The following IRAK2 variants were observed in gnomAD, a reference collection of about 807,000 sequenced individuals.
The protein encoded by IRAK2 is interleukin 1 receptor associated kinase 2.
Under a neutral mutation model 72.0 loss-of-function variants are expected in IRAK2, and 57 were observed. The ratio of observed to expected loss-of-function variants is 0.79; its 90% confidence interval spans 0.64 to 0.99. The LOEUF (loss-of-function observed/expected upper bound fraction) is 0.99. Ranked by LOEUF, IRAK2 falls within the 50% of genes least tolerant of loss-of-function variation. IRAK2 has a pLI of 0.00. For synonymous variants in IRAK2, 293 were observed against 312.7 expected (o/e 0.94, Z 0.67); for missense variants, 790 against 794.4 (o/e 0.99, Z 0.07).
chr3:10,215,416 T>TAAAA (rs1559449326), intron 6 of IRAK2, among the ~76,000 whole-genome samples: 8 of 134,116 alleles, frequency 6.0e-5, no homozygotes, highest in Non-Finnish European at 6.3e-5. Flanking sequence ...AAAAAAAAAT[T>TAAAA]AATTAATTAA....
At chr3:10,227,966 C>T (rs1474185100) in intron 10 of IRAK2, among the ~76,000 whole-genome samples, 2 of 152,010 alleles carry the variant, frequency 1.3e-5, no homozygotes, top group African/African-American at 4.8e-5. Context: ...TTCTTAACCA[C>T]AGCAGTCTCC....
chr3:10,190,222 T>C (rs190627364), intron 2 of IRAK2, among the ~76,000 whole-genome samples: 1 of 147,996 alleles, frequency 6.8e-6, no homozygotes, highest in African/African-American at 2.5e-5. Context: ...CCCTATCTAC[T>C]TTTCTTGTAG....
Position 10,169,566 on chromosome 3 carries a change from T to C in IRAK2, c.94+4518T>C, listed in dbSNP as rs11465856. 3.5e-3 allele frequency among the ~76,000 whole-genome samples: 540 copies of C among 152,352 alleles called. 1 individual carries two copies. Among genetic ancestry groups the C allele is most frequent in the Non-Finnish European group, 6.1e-3 (412 of 68,034 alleles). On this transcript the variant is annotated intron_variant, in intron 1 of 12. Transcript: ENST00000256458. ...CTCTGTGAGAAGAAAAATATGGCTC[T>C]ATTCTGCCCGACCCCACAGGCAGTC... is the stretch of plus-strand genomic sequence containing the variant.
Position 10,234,512 on chromosome 3 carries a change from G to A in IRAK2, c.1326G>A (p.Arg442=), listed in dbSNP as rs56197044. Residue 442 remains arginine (R), a synonymous_variant, in exon 11 of 13, where the codon AGG becomes AGA. Coordinates refer to ENST00000256458, the MANE Select transcript of IRAK2 (RefSeq NM_001570.4). ...IPSSTASLCS[R]KTGVENVMAK... ...GCAGCACCGCCTCGCTCTGCTCCAG[G>A]AAGACGGGCGTGGAGAACGTGATGG... 4,273 of 1,614,176 alleles carry A rather than the reference G, an allele frequency of 2.6e-3. 114 individuals carry two copies. The South Asian group carries it at 0.037, about 14-fold the overall frequency.
chr3:10,219,239 G>T (rs11465907), intron 7 of IRAK2, among the ~76,000 whole-genome samples: 1 of 152,152 alleles, frequency 6.6e-6, no homozygotes, highest in Non-Finnish European at 1.5e-5. Flanking sequence ...ATCATGCTGA[G>T]CCCTGTGACA....
intron 1 of IRAK2, among the ~76,000 whole-genome samples, chr3:10,169,985 C>T (rs866413913): frequency 5.3e-5 from 8 of 152,276 alleles, no homozygotes; most frequent in Middle Eastern, 3.4e-3. Flanking sequence ...TGGCTTCAGC[C>T]GGTCCTGTTC....
chr3:10,240,194 C>T (rs1336278088), intron 12 of IRAK2, among the ~76,000 whole-genome samples: 4 of 148,438 alleles, frequency 2.7e-5, no homozygotes, highest in African/African-American at 1.0e-4. Flanking sequence ...CAGTGGCTCA[C>T]GCCTGTAATC....
intron 2 of IRAK2, among the ~76,000 whole-genome samples, 180 bp downstream of exon 2, chr3:10,178,200 G>A (rs993680825): frequency 6.6e-6 from 1 of 152,190 alleles, no homozygotes; most frequent in Non-Finnish European, 1.5e-5. Flanking sequence ...GCTCACGCCT[G>A]TAATCCCAGC....
chr3:10,207,992 CAAAAAAAAA>C (rs35298616), intron 3 of IRAK2, among the ~76,000 whole-genome samples: 1 of 95,006 alleles, frequency 1.1e-5, no homozygotes, highest in Non-Finnish European at 2.0e-5. Flanking sequence ...ACTCTGTTTC[CAAAAAAAAA>C]AAAAAAAAAA....
chr3:10,211,900 G>A (rs749764380), intron 4 of IRAK2, among the ~76,000 whole-genome samples: 6 of 151,854 alleles, frequency 4.0e-5, no homozygotes, highest in Non-Finnish European at 8.8e-5. Context: ...ACACGGTGAG[G>A]CCTCATCTCT....
chr3:10,220,567 T>A (rs1445058895), intron 8 of IRAK2, among the ~76,000 whole-genome samples: 2 of 152,044 alleles, frequency 1.3e-5, no homozygotes, highest in African/African-American at 2.4e-5. Context: ...CTTAGCCTCC[T>A]GAGTAGCTGG....
At chr3:10,165,312 C>G (rs1243680235) in intron 1 of IRAK2, among the ~76,000 whole-genome samples, 6 of 152,176 alleles carry the variant, frequency 3.9e-5, no homozygotes, top group Non-Finnish European at 8.8e-5. Flanking sequence ...TACGGGGGCC[C>G]TCCTGTCAGC....
rs1187454679 is a variant in IRAK2, at chr3:10,234,330, C to T, written c.1273-129C>T. On this transcript the variant is annotated intron_variant, in intron 10 of 12. Transcript: ENST00000256458. ...GTTTTACTTCTTTCTGGAATCCTTG[C>T]ATTTATTCTTACGATGTCCGGTCGG... 8.2e-5 allele frequency: 57 copies of T among 698,412 alleles called. No individual in the cohort carries two copies. In the South Asian group the frequency reaches 9.1e-4, roughly 11 times the overall value. 43.3% of individuals were successfully genotyped at this position (698,412 alleles called of 1,614,324 possible).
intron 3 of IRAK2, among the ~76,000 whole-genome samples, chr3:10,208,197 G>C (rs573117793): frequency 8.6e-5 from 13 of 151,880 alleles, no homozygotes; most frequent in African/African-American, 2.7e-4. Context: ...TTGGAAAAGT[G>C]ACTTAACTTC....
chr3:10,231,970 C>G (rs1340648015), intron 10 of IRAK2, among the ~76,000 whole-genome samples: 2 of 151,952 alleles, frequency 1.3e-5, no homozygotes, highest in African/African-American at 4.8e-5. Context: ...ACTAAAAATA[C>G]AAAAAAATTA....
At chr3:10,185,283 C>T (rs1213836498) in intron 2 of IRAK2, among the ~76,000 whole-genome samples, 3 of 150,820 alleles carry the variant, frequency 2.0e-5, no homozygotes, top group Admixed American at 2.0e-4. Context: ...CTCGGCCCGG[C>T]GCGGTGGCTC....
chr3:10,235,445 C>G (rs11717636), intron 11 of IRAK2, among the ~76,000 whole-genome samples: 65,440 of 151,860 alleles, frequency 0.43, 15,033 homozygotes, highest in Admixed American at 0.53. Flanking sequence ...TTACAGGCAT[C>G]AGCCGCTCTG....
intron 2 of IRAK2, among the ~76,000 whole-genome samples, chr3:10,180,708 T>TG (rs1696947861): frequency 6.6e-6 from 1 of 152,000 alleles, no homozygotes; most frequent in South Asian, 2.1e-4. Context: ...GAGGGGGGAC[T>TG]GGGAGCAAAG....
At chr3:10,221,534 T>C (rs1301110460) in intron 8 of IRAK2, among the ~76,000 whole-genome samples, 1 of 151,474 alleles carries the variant, frequency 6.6e-6, no homozygotes, top group African/African-American at 2.4e-5. Context: ...ATTACAGGTG[T>C]GAGCCACCGC....
Sources: allele counts gnomAD v4.1 joint callset (sites outside exome capture counted in the v4.1 genomes callset), GRCh38; gene constraint gnomAD v4.1.1; transcripts MANE v1.5; gene names NCBI Gene and HGNC (gene_info 2026-07-23, HGNC 2026-07-21).